ELAPOR2: variants seen among roughly 807,000 people sequenced by gnomAD.
The protein encoded by ELAPOR2 is endosome-lysosome associated apoptosis and autophagy regulator family member 2, also known as endosome/lysosome-associated apoptosis and autophagy regulator family member 2.
Under a neutral mutation model 120.7 loss-of-function variants are expected in ELAPOR2, and 89 were observed. That is an observed-to-expected ratio of 0.74 (90% CI 0.62 to 0.88). ELAPOR2 has a LOEUF of 0.88. Ranked by LOEUF, ELAPOR2 falls within the 40% of genes least tolerant of loss-of-function variation. The probability of loss-of-function intolerance (pLI) is 0.00; values close to 1 mark genes in which losing one functional copy is unlikely to be tolerated. For missense variants in ELAPOR2, 1,134 were observed against 1,251.6 expected (o/e 0.91, Z 1.42); for synonymous variants, 444 against 444.9 (o/e 1.00, Z 0.03).
chr7:86,965,766 T>G (rs188438463), intron 1 of ELAPOR2: 442 of 930,020 alleles, frequency 4.8e-4, no homozygotes, highest in Non-Finnish European at 5.2e-4. Context: ...TTTAAGAATG[T>G]GAGAAATTCC....
chr7:86,933,509 C>G (rs1277478262), intron 8 of ELAPOR2, among the ~76,000 whole-genome samples: 1 of 151,888 alleles, frequency 6.6e-6, no homozygotes, highest in African/African-American at 2.4e-5. Flanking sequence ...TCGTTATAAT[C>G]TCACAATTTT....
At chr7:86,986,296 G>T (rs553543367) in intron 1 of ELAPOR2, among the ~76,000 whole-genome samples, 2 of 116,140 alleles carry the variant, frequency 1.7e-5, no homozygotes, top group South Asian at 4.9e-4. Flanking sequence ...GGGCGTAGTG[G>T]CGGGCGCCTG....
At chr7:87,041,854 A>G (rs1268368437) in intron 1 of ELAPOR2, among the ~76,000 whole-genome samples, 1 of 151,954 alleles carries the variant, frequency 6.6e-6, no homozygotes, top group Non-Finnish European at 1.5e-5. Context: ...AGTGTGCTGT[A>G]TTCAGGAAAC....
At chr7:86,983,293 C>T (rs530612400) in intron 1 of ELAPOR2, among the ~76,000 whole-genome samples, 1 of 152,248 alleles carries the variant, frequency 6.6e-6, no homozygotes, top group African/African-American at 2.4e-5. Context: ...ACATCCCCAA[C>T]CTAGCAAGGC....
At chr7:86,889,367 C>A (rs1222171467) in intron 21 of ELAPOR2, among the ~76,000 whole-genome samples, 1 of 151,848 alleles carries the variant, frequency 6.6e-6, no homozygotes, top group African/African-American at 2.4e-5. Flanking sequence ...ATCAGAGATA[C>A]AGTACCCCCC....
At chr7:86,970,621 A>G (rs1282729624) in intron 1 of ELAPOR2, among the ~76,000 whole-genome samples, 1 of 152,192 alleles carries the variant, frequency 6.6e-6, no homozygotes, top group Non-Finnish European at 1.5e-5. Context: ...GAAAGGCCAA[A>G]AGCAGGAGAA....
At chr7:86,907,533 CAA>C (rs10547506) in intron 18 of ELAPOR2, 135 bp downstream of exon 18, 33,380 of 511,174 alleles carry the variant, frequency 0.065, 709 homozygotes, top group African/African-American at 0.15. Flanking sequence ...ACATTCCCTA[CAA>C]AAAAAAAAAA....
intron 1 of ELAPOR2, among the ~76,000 whole-genome samples, chr7:86,982,522 C>T (rs1429301350): frequency 1.3e-5 from 2 of 152,232 alleles, no homozygotes; most frequent in African/African-American, 4.8e-5. Context: ...GCAGCCTCCA[C>T]TGGTGATAAC....
chr7:86,981,126 A>T (rs1034498592), intron 1 of ELAPOR2, among the ~76,000 whole-genome samples: 4 of 152,160 alleles, frequency 2.6e-5, no homozygotes, highest in African/African-American at 9.7e-5. Flanking sequence ...GAAGAGTCAG[A>T]TCTACAAGTG....
In ELAPOR2 at chr7:87,023,546, G is replaced by A. The variant is rs577232432; in HGVS notation, c.189+35779C>T. On this transcript the variant is annotated intron_variant, in intron 1 of 21. Coordinates refer to ENST00000450689, the MANE Select transcript of ELAPOR2 (RefSeq NM_001142749.3). The stretch of plus-strand genomic sequence containing the variant: ...TGGCTTAGAATTGACTTGGCAATGC[G>A]GGCTCTTTTTTGGTTCCATATTAAC... Among the ~76,000 whole-genome samples the A allele has an allele frequency of 4.6e-3, 703 of 152,182 alleles. 9 individuals are homozygous for A. Among genetic ancestry groups the A allele is most frequent in the African/African-American group, 0.015 (626 of 41,514 alleles).
At chr7:86,908,049 C>A (rs377110130) in intron 17 of ELAPOR2, among the ~76,000 whole-genome samples, 1 of 151,262 alleles carries the variant, frequency 6.6e-6, no homozygotes. Context: ...CTTAAGGGAA[C>A]AAAGACCATG....
At chr7:86,925,314 A>C (rs1790016249) in intron 10 of ELAPOR2, among the ~76,000 whole-genome samples, 1 of 151,990 alleles carries the variant, frequency 6.6e-6, no homozygotes, top group African/African-American at 2.4e-5. Flanking sequence ...GCCTAAAAAA[A>C]ATGCAAAATT....
chr7:86,877,963 C>T lies in ELAPOR2; in HGVS notation c.*2508G>A, dbSNP rs1198048874. On this transcript the variant is annotated 3_prime_UTR_variant, in exon 22 of 22. Coordinates refer to ENST00000450689, the MANE Select transcript of ELAPOR2 (RefSeq NM_001142749.3). ...TGTTAAATGACATAATATAATTTAT[C>T]CACAGAAGACATGTTCTCATCCATT... The T allele has an allele frequency of 6.6e-6, 1 of 152,104 alleles. No individual in the cohort carries two copies. The highest frequency in any genetic ancestry group is 2.4e-5 in the African/African-American group (1 of 41,412). 9.4% of individuals were successfully genotyped at this position (152,104 alleles called of 1,614,324 possible). A position where few individuals can be genotyped will look rare whatever the true frequency, so the allele number is the denominator to read the frequency against.
intron 1 of ELAPOR2, among the ~76,000 whole-genome samples, chr7:87,008,922 G>A (rs1583985528): frequency 6.6e-6 from 1 of 152,000 alleles, no homozygotes; most frequent in African/African-American, 2.4e-5. Flanking sequence ...AAAAGGAATC[G>A]GGGAAACATA....
At chr7:87,048,550 A>C (rs987294561) in intron 1 of ELAPOR2, among the ~76,000 whole-genome samples, 1 of 152,212 alleles carries the variant, frequency 6.6e-6, no homozygotes, top group Non-Finnish European at 1.5e-5. Flanking sequence ...AAAAATAAAT[A>C]AGTCCTATTA....
At chr7:87,021,986 C>T (rs1794055064) in intron 1 of ELAPOR2, among the ~76,000 whole-genome samples, 1 of 151,972 alleles carries the variant, frequency 6.6e-6, no homozygotes, top group Non-Finnish European at 1.5e-5. Flanking sequence ...ATAAAACATC[C>T]CTGTGGAATA....
chr7:86,901,768 T>G (rs1223154249), intron 18 of ELAPOR2, among the ~76,000 whole-genome samples: 1 of 152,182 alleles, frequency 6.6e-6, no homozygotes, highest in Non-Finnish European at 1.5e-5. Flanking sequence ...GTTGGGGTAT[T>G]CAGACTGGCA....
chr7:86,885,875 A>T (rs987289654), intron 21 of ELAPOR2, among the ~76,000 whole-genome samples: 2 of 152,136 alleles, frequency 1.3e-5, no homozygotes, highest in African/African-American at 4.8e-5. Flanking sequence ...TCCCCATCTC[A>T]TACATGCTAA....
chr7:86,986,167 C>T (rs538071495), intron 1 of ELAPOR2, among the ~76,000 whole-genome samples: 1 of 77,958 alleles, frequency 1.3e-5, no homozygotes, highest in Non-Finnish European at 2.6e-5. Context: ...AAACCCCTCA[C>T]GCCTGTAATC....
Sources: allele counts gnomAD v4.1 joint callset (sites outside exome capture counted in the v4.1 genomes callset), GRCh38; gene constraint gnomAD v4.1.1; transcripts MANE v1.5; gene names NCBI Gene and HGNC (gene_info 2026-07-23, HGNC 2026-07-21).